The following DOCK9 variants were observed in gnomAD, a reference collection of about 807,000 sequenced individuals.
DOCK9 encodes the protein dedicator of cytokinesis 9, also known as dedicator of cytokinesis protein 9.
Under a neutral mutation model 263.3 loss-of-function variants are expected in DOCK9, and 89 were observed. The ratio of observed to expected loss-of-function variants is 0.34; its 90% confidence interval spans 0.28 to 0.40. The LOEUF is 0.40. DOCK9 is among the 10% of genes least tolerant of loss of function. The pLI, the probability that DOCK9 is intolerant of heterozygous loss-of-function variation, is 1.00. For synonymous variants in DOCK9, 976 were observed against 973.1 expected, an observed-to-expected ratio of 1.00 and a Z score of -0.06; for missense variants, 2,140 against 2,603.4, an observed-to-expected ratio of 0.82 and a Z score of 3.87.
chr13:99,080,589 G>A (rs2042085754), intron 1 of DOCK9, among the ~76,000 whole-genome samples: 1 of 152,054 alleles, frequency 6.6e-6, no homozygotes, highest in African/African-American at 2.4e-5. Context: ...GCTCCTTCTT[G>A]GTCCTACCTG....
chr13:98,963,605 C>G (rs2058894249), intron 1 of DOCK9, among the ~76,000 whole-genome samples: 1 of 152,308 alleles, frequency 6.6e-6, no homozygotes, highest in South Asian at 2.1e-4. Flanking sequence ...CTTGAAATAG[C>G]AAACTAAATG....
chr13:99,021,324 T>A (rs1195956723), intron 1 of DOCK9, among the ~76,000 whole-genome samples: 1 of 152,202 alleles, frequency 6.6e-6, no homozygotes, highest in Non-Finnish European at 1.5e-5. Context: ...ACAACAAATT[T>A]TATTTTTGTT....
chr13:98,805,237 T>G, intron 48 of DOCK9, 28 bp from the exon 49 acceptor site: 3 of 1,544,342 alleles, frequency 1.9e-6, no homozygotes, highest in Non-Finnish European at 2.6e-6. Flanking sequence ...CAATGGGAGA[T>G]TGGTGCTCCA....
intron 1 of DOCK9, among the ~76,000 whole-genome samples, chr13:98,991,001 G>C (rs1249825804): frequency 6.6e-6 from 1 of 152,122 alleles, no homozygotes; most frequent in Non-Finnish European, 1.5e-5. Context: ...ACAAGGTTTG[G>C]GAAATAAGGA....
intron 1 of DOCK9, among the ~76,000 whole-genome samples, chr13:98,976,988 C>A (rs180730286): frequency 1.0e-3 from 155 of 152,242 alleles, no homozygotes; most frequent in African/African-American, 3.5e-3. Context: ...TTAACAATCT[C>A]TTTAGCAGAT....
At chr13:98,969,454 C>T (rs1302861705) in intron 1 of DOCK9, among the ~76,000 whole-genome samples, 2 of 116,330 alleles carry the variant, frequency 1.7e-5, no homozygotes, top group Admixed American at 8.7e-5. Context: ...TGCTGAGAAG[C>T]GGGAGAAAGA....
chr13:98,846,602 G>A (rs1314592748), intron 37 of DOCK9: 1 of 1,329,456 alleles, frequency 7.5e-7, no homozygotes, highest in Non-Finnish European at 1.0e-6. Flanking sequence ...ATTTGGGTTA[G>A]CAATCAAACA....
chr13:98,915,585 T>TGATA (rs1347638962), intron 7 of DOCK9, 82 bp from the exon 8 acceptor site: 1 of 1,351,064 alleles, frequency 7.4e-7, no homozygotes, highest in Admixed American at 2.6e-5. Context: ...TGTTGGTGAG[T>TGATA]GATATCTCAT....
chr13:98,953,444 T>C (rs1360143951), intron 2 of DOCK9, among the ~76,000 whole-genome samples: 2 of 152,228 alleles, frequency 1.3e-5, no homozygotes, highest in Admixed American at 6.5e-5. Context: ...CAGATACCTG[T>C]TCCCCTGGGA....
At chr13:99,026,545 G>A (rs924405671) in intron 1 of DOCK9, among the ~76,000 whole-genome samples, 5 of 152,194 alleles carry the variant, frequency 3.3e-5, no homozygotes, top group African/African-American at 1.2e-4. Flanking sequence ...GCACTTAAGG[G>A]AAATCTTTTG....
chr13:98,863,179 C>G, intron 31 of DOCK9, 47 bp from the exon 32 acceptor site: 1 of 1,548,948 alleles, frequency 6.5e-7, no homozygotes, highest in African/African-American at 1.4e-5. Flanking sequence ...ATTCTGAGAA[C>G]CGAACTAAGT....
intron 30 of DOCK9, among the ~76,000 whole-genome samples, chr13:98,866,658 A>T (rs569229381): frequency 1.3e-5 from 2 of 152,382 alleles, no homozygotes; most frequent in East Asian, 3.9e-4. Context: ...CGTAAAAAGA[A>T]TACAGGACAT....
At chr13:98,987,225 A>T (rs1878682017) in intron 1 of DOCK9, among the ~76,000 whole-genome samples, 1 of 152,254 alleles carries the variant, frequency 6.6e-6, no homozygotes, top group South Asian at 2.1e-4. Context: ...ATCATTCCAC[A>T]ATGTAAACAC....
At chr13:99,063,798 A>T (rs1364202962) in intron 1 of DOCK9, among the ~76,000 whole-genome samples, 1 of 152,024 alleles carries the variant, frequency 6.6e-6, no homozygotes, top group Non-Finnish European at 1.5e-5. Flanking sequence ...ATTTGTTAAA[A>T]GTTTCTAAAC....
intron 1 of DOCK9, among the ~76,000 whole-genome samples, chr13:98,957,594 T>C (rs2058196677): frequency 6.6e-6 from 1 of 151,062 alleles, no homozygotes; most frequent in Non-Finnish European, 1.5e-5. Flanking sequence ...TATTTTTAAA[T>C]AAGAATTGCC....
At chr13:99,065,026 G>A (rs2041355024) in intron 1 of DOCK9, among the ~76,000 whole-genome samples, 1 of 152,096 alleles carries the variant, frequency 6.6e-6, no homozygotes, top group African/African-American at 2.4e-5. Context: ...GTAACGGGCT[G>A]GATGTTCTCA....
chr13:98,853,339 T>C, intron 35 of DOCK9, 69 bp downstream of exon 35: 3 of 970,078 alleles, frequency 3.1e-6, no homozygotes, highest in South Asian at 3.2e-5. Flanking sequence ...TTTCAACTTA[T>C]TACAAGTTAA....
intron 1 of DOCK9, among the ~76,000 whole-genome samples, chr13:98,999,974 G>A (rs1325767221): frequency 1.3e-5 from 2 of 152,002 alleles, no homozygotes; most frequent in African/African-American, 4.8e-5. Flanking sequence ...CAAAGAACTG[G>A]TTAAAAAAAG....
chr13:98,989,088 G>A (rs1483972048), intron 1 of DOCK9, among the ~76,000 whole-genome samples: 2 of 152,076 alleles, frequency 1.3e-5, no homozygotes, highest in Non-Finnish European at 2.9e-5. Flanking sequence ...CAGAAATGCT[G>A]TCAATCTGCA....
Sources: allele counts gnomAD v4.1 joint callset (sites outside exome capture counted in the v4.1 genomes callset), GRCh38; gene constraint gnomAD v4.1.1; transcripts MANE v1.5; gene names NCBI Gene and HGNC (gene_info 2026-07-23, HGNC 2026-07-21).